INHBA: variants seen among roughly 807,000 people sequenced by gnomAD.
INHBA encodes inhibin beta A chain.
INHBA carries 1 observed loss-of-function variant against 29.0 expected under a neutral mutation model. The ratio of observed to expected loss-of-function variants is 0.03; its 90% confidence interval spans 0.01 to 0.16. The LOEUF is 0.16. Ranked by LOEUF, INHBA falls within the 10% of genes least tolerant of loss-of-function variation. INHBA has a pLI of 1.00. For missense variants in INHBA, 376 were observed against 545.4 expected, an observed-to-expected ratio of 0.69 and a Z score of 3.09; for synonymous variants, 242 against 216.8, an observed-to-expected ratio of 1.12 and a Z score of -1.02.
Position 41,689,587 on chromosome 7 carries a change from C to G in INHBA, c.*63G>C. 2 of 1,172,898 alleles carry G rather than the reference C, an allele frequency of 1.7e-6. No homozygotes were observed. Among genetic ancestry groups the G allele is most frequent in the Non-Finnish European group, 2.2e-6 (2 of 916,088 alleles). The allele number at this position is 1,172,898 out of a possible 1,614,324, so 72.7% of individuals were successfully genotyped here. A position where few individuals can be genotyped will look rare whatever the true frequency, so the allele number is the denominator to read the frequency against. ...GTTAACTCAGAAACCTTAAAAATTT[C>G]TTCATTTTGCCACTGTCTTCTCTGG... On this transcript the variant is annotated 3_prime_UTR_variant, in exon 3 of 3. Coordinates refer to ENST00000242208, the MANE Select transcript of INHBA (RefSeq NM_002192.4).
Position 41,690,039 on chromosome 7 carries a change from G to C in INHBA, c.892C>G (p.Arg298Gly). The change falls in exon 3 of 3, where the codon CGG (arginine) becomes GGG (glycine). Residue 298 changes from arginine to glycine, a missense_variant. Around this residue, in one of 4 missense-constraint regions of INHBA, gnomAD observed 253 missense variants for 313.4 expected, o/e 0.81. Coordinates refer to ENST00000242208, the MANE Select transcript of INHBA (RefSeq NM_002192.4). Reference sequence around the variant, plus strand: ...CGATGAGGGTGGTCTTCAGACTGCCGGGCCTGCAGCATGAGGAAAGGTCTG... The same window carrying C: ...CGATGAGGGTGGTCTTCAGACTGCCCGGCCTGCAGCATGAGGAAAGGTCTG... The part of the protein sequence containing the change: ...SHRPFLMLQA[R>G]QSEDHPHRRR... 2 of 1,613,948 alleles carry C rather than the reference G, an allele frequency of 1.2e-6. No individual in the cohort carries two copies. Among genetic ancestry groups the C allele is most frequent in the Non-Finnish European group, 1.7e-6 (2 of 1,180,020 alleles).
chr7:41,704,498 C>T (rs1794866262), upstream of INHBA, among the ~76,000 whole-genome samples: 1 of 152,116 alleles, frequency 6.6e-6, no homozygotes, highest in Non-Finnish European at 1.5e-5. Context: ...ACTTCTCCAC[C>T]CTTTTTGCTG....
rs1166805049 is a variant in INHBA at position 41,687,454 on chromosome 7, A to G, written c.*2196T>C. 6.6e-6 allele frequency: 1 copy of G among 152,254 alleles called. No homozygotes were observed. The highest frequency in any genetic ancestry group is 6.5e-5 in the Admixed American group (1 of 15,294). 9.4% of individuals were successfully genotyped at this position (152,254 alleles called of 1,614,324 possible). ...GCTCTGGATTTTCAAAAGCACATAC[A>G]TGAATAATTTATTAGCTATTCCAGG... On this transcript the variant is annotated 3_prime_UTR_variant, in exon 3 of 3. Coordinates refer to ENST00000242208, the MANE Select transcript of INHBA (RefSeq NM_002192.4).
Position 41,686,374 on chromosome 7 carries a change from G to A in INHBA, c.*3276C>T, listed in dbSNP as rs1377331756. ...GAGTTTAGTCTTAGAGAAAGAGTGA[G>A]GAGATAGTAAGGTTAGATAGAGCCA... is the stretch of plus-strand genomic sequence containing the variant. On this transcript the variant is annotated 3_prime_UTR_variant, in exon 3 of 3. Transcript: ENST00000242208. 2 of 152,086 alleles carry A rather than the reference G, an allele frequency of 1.3e-5. No homozygotes were observed. The highest frequency in any genetic ancestry group is 4.8e-5 in the African/African-American group (2 of 41,418). The allele number at this position is 152,086 out of a possible 1,614,324, so 9.4% of individuals were successfully genotyped here. A position where few individuals can be genotyped will look rare whatever the true frequency, so the allele number is the denominator to read the frequency against.
Position 41,701,505 on chromosome 7 carries a change from G to A in INHBA, c.-143-988C>T, listed in dbSNP as rs906688513. On this transcript the variant is annotated intron_variant, in intron 1 of 2. Coordinates refer to ENST00000242208, the MANE Select transcript of INHBA (RefSeq NM_002192.4). ...ATAATACACTCCACTCTTCCCAACT[G>A]TGAAATGCAGCAGGGCACTGAAGGA... 3.3e-5 allele frequency among the ~76,000 whole-genome samples: 5 copies of A among 152,162 alleles called. No homozygotes were observed. In the South Asian group the frequency reaches 1.0e-3, roughly 32 times the overall value.
chr7:41,689,318 AG>A lies in INHBA; in HGVS notation c.*331del. The A allele has an allele frequency of 3.6e-6, 1 of 280,908 alleles. No homozygotes were observed. Among genetic ancestry groups the A allele is most frequent in the South Asian group, 1.2e-4 (1 of 8,206 alleles). The allele number at this position is 280,908 out of a possible 1,614,324, so 17.4% of individuals were successfully genotyped here. A position where few individuals can be genotyped will look rare whatever the true frequency, so the allele number is the denominator to read the frequency against. Reference sequence around the variant, plus strand: ...ATTCAAGGCTCACAAGGGAACCTCAAGGGGGGAAAGGACAATACCCCGTTTA... The same window carrying A: ...ATTCAAGGCTCACAAGGGAACCTCAAGGGGGAAAGGACAATACCCCGTTTA... On this transcript the variant is annotated 3_prime_UTR_variant, in exon 3 of 3. Transcript: ENST00000242208.
chr7:41,696,561 G>T (rs1453405749), intron 2 of INHBA, among the ~76,000 whole-genome samples: 1 of 152,120 alleles, frequency 6.6e-6, no homozygotes, highest in African/African-American at 2.4e-5. Flanking sequence ...CTTCCAGTAC[G>T]CGCAACTGCC....
rs1399739221 is a variant in INHBA, at chr7:41,689,773, G to A, written c.1158C>T (p.Asn386=). 7 of 1,614,058 alleles carry A rather than the reference G, an allele frequency of 4.3e-6. No homozygotes were observed. Among genetic ancestry groups the A allele is most frequent in the Non-Finnish European group, 5.9e-6 (7 of 1,180,012 alleles). ...YRMRGHSPFA[N]LKSCCVPTKL... Reference sequence around the variant, plus strand: ...TGGTGGGCACACAGCACGATTTGAGGTTGGCAAAGGGGCTATGGCCCCGCA... The same window carrying A: ...TGGTGGGCACACAGCACGATTTGAGATTGGCAAAGGGGCTATGGCCCCGCA... Residue 386 remains asparagine (N), a synonymous_variant, in exon 3 of 3, where the codon AAC becomes AAT. Coordinates refer to ENST00000242208, the MANE Select transcript of INHBA (RefSeq NM_002192.4).
At chr7:41,697,032 C>T (rs1794665299) in intron 2 of INHBA, among the ~76,000 whole-genome samples, 1 of 152,148 alleles carries the variant, frequency 6.6e-6, no homozygotes, top group Non-Finnish European at 1.5e-5. Context: ...CTTAGAGGTA[C>T]ATTATTATTA....
chr7:41,688,973 C>T lies in INHBA; in HGVS notation c.*677G>A, dbSNP rs1157924277. ...TCCTTGATCTTTCATTCTTTCCATA[C>T]TTGTTCTCAATTTTTTAATGTTGTT... On this transcript the variant is annotated 3_prime_UTR_variant, in exon 3 of 3. Transcript: ENST00000242208. The T allele has an allele frequency of 4.3e-6, 1 of 232,360 alleles. No homozygotes were observed. Among genetic ancestry groups the T allele is most frequent in the Non-Finnish European group, 8.5e-6 (1 of 117,624 alleles). The allele number at this position is 232,360 out of a possible 1,614,324, so 14.4% of individuals were successfully genotyped here.
intron 2 of INHBA, chr7:41,694,178 G>A (rs926699251): frequency 2.0e-5 from 3 of 152,184 alleles, no homozygotes; most frequent in Admixed American, 2.0e-4. Flanking sequence ...AAGGGTGTGG[G>A]GAGATGAGAC....
rs187123304 is a variant in INHBA at position 41,689,339 on chromosome 7, C to T, written c.*311G>A. 1.2e-4 allele frequency: 39 copies of T among 313,418 alleles called. No individual in the cohort carries two copies. Among genetic ancestry groups the T allele is most frequent in the Middle Eastern group, 8.8e-4 (1 of 1,140 alleles). 19.4% of individuals were successfully genotyped at this position (313,418 alleles called of 1,614,324 possible). ...CTCAAGGGGGGAAAGGACAATACCC[C>T]GTTTAAACAACTGATGTCATCAGTG... On this transcript the variant is annotated 3_prime_UTR_variant, in exon 3 of 3. Coordinates refer to ENST00000242208, the MANE Select transcript of INHBA (RefSeq NM_002192.4).
At position 41,686,159 on chromosome 7, in the gene INHBA, A is replaced by T. The variant is rs796360319; in HGVS notation, c.*3491T>A. ...AGTATGGAATCAATCTTAAATAAAT[A>T]TGAAATTGGTTGGTCTTCTGGGATA... On this transcript the variant is annotated 3_prime_UTR_variant, in exon 3 of 3. Transcript: ENST00000242208. 5.3e-5 allele frequency: 8 copies of T among 152,172 alleles called. No homozygotes were observed. In the South Asian group the frequency reaches 1.0e-3, roughly 20 times the overall value. 9.4% of individuals were successfully genotyped at this position (152,172 alleles called of 1,614,324 possible).
chr7:41,700,472 T>C lies in INHBA; in HGVS notation c.-98A>G, dbSNP rs545631316. 4 of 1,215,900 alleles carry C rather than the reference T, an allele frequency of 3.3e-6. No individual in the cohort carries two copies. The African/African-American group carries it at 4.6e-5, about 14-fold the overall frequency. The allele number at this position is 1,215,900 out of a possible 1,614,324, so 75.3% of individuals were successfully genotyped here. ...TTTTGTGTGTGTGGATTTTTTTATT[T>C]TTTTTTTTGGTGTTTTTTTTTTCCT... On this transcript the variant is annotated 5_prime_UTR_variant, in exon 2 of 3. Coordinates refer to ENST00000242208, the MANE Select transcript of INHBA (RefSeq NM_002192.4).
chr7:41,701,370 A>T (rs1051971117), intron 1 of INHBA, among the ~76,000 whole-genome samples: 7 of 152,086 alleles, frequency 4.6e-5, no homozygotes, highest in African/African-American at 1.7e-4. Context: ...GCCTGATGGG[A>T]TCCAGGGGAG....
At chr7:41,702,059 C>T (rs1794809381) in intron 1 of INHBA, among the ~76,000 whole-genome samples, 1 of 152,130 alleles carries the variant, frequency 6.6e-6, no homozygotes, top group Non-Finnish European at 1.5e-5. Flanking sequence ...TCTGTTAAAG[C>T]GTTCCTTCCC....
At chr7:41,704,672 G>A (rs1250688561), upstream of INHBA, among the ~76,000 whole-genome samples, 1 of 150,660 alleles carries the variant, frequency 6.6e-6, no homozygotes, top group East Asian at 2.0e-4. Context: ...GACGTGGGGT[G>A]GGGGTGGGGG....
chr7:41,690,659 G>A (rs1794481760), intron 2 of INHBA, 117 bp from the exon 3 acceptor site: 15 of 1,315,528 alleles, frequency 1.1e-5, no homozygotes, highest in Admixed American at 2.9e-5. Flanking sequence ...CTTGAATAGG[G>A]GTCAACAAAT....
upstream of INHBA, among the ~76,000 whole-genome samples, chr7:41,704,668 G>C (rs539085756): frequency 2.0e-5 from 3 of 151,006 alleles, no homozygotes; most frequent in Admixed American, 6.6e-5. Flanking sequence ...AGGTGACGTG[G>C]GGTGGGGGTG....
Sources: allele counts gnomAD v4.1 joint callset (sites outside exome capture counted in the v4.1 genomes callset), GRCh38; gene constraint gnomAD v4.1.1; regional missense constraint gnomAD v4.1.1; transcripts MANE v1.5; gene names NCBI Gene and HGNC (gene_info 2026-07-23, HGNC 2026-07-21).